The following PPIL3 variants were observed in gnomAD, a reference collection of about 807,000 sequenced individuals.
PPIL3 encodes peptidylprolyl isomerase like 3, also known as peptidyl-prolyl cis-trans isomerase-like 3.
In PPIL3, 13 loss-of-function variants were observed where a neutral mutation model predicts 20.9. That is an observed-to-expected ratio of 0.62 (90% CI 0.40 to 0.99). The LOEUF is 0.99. Among genes scored for constraint, PPIL3 ranks in the 50% least tolerant of loss-of-function variants. The probability of loss-of-function intolerance (pLI) is 0.00; values close to 1 mark genes in which losing one functional copy is unlikely to be tolerated. For synonymous variants in PPIL3, 71 were observed against 64.4 expected, an observed-to-expected ratio of 1.10 and a Z score of -0.49; for missense variants, 170 against 195.2, an observed-to-expected ratio of 0.87 and a Z score of 0.77.
At chr2:200,881,582 T>G in intron 4 of PPIL3, 94 bp from the exon 5 acceptor site, 2 of 977,410 alleles carry the variant, frequency 2.0e-6, no homozygotes, top group Non-Finnish European at 3.0e-6. Flanking sequence ...ATAGTTTGAC[T>G]GCTTAAATAT....
chr2:200,874,030 C>T (rs924966889), intron 6 of PPIL3, among the ~76,000 whole-genome samples: 2 of 150,742 alleles, frequency 1.3e-5, no homozygotes, highest in Non-Finnish European at 3.0e-5. Context: ...ATGGTGAAAC[C>T]CCGTCTCTAC....
intron 5 of PPIL3, 57 bp from the exon 6 acceptor site, chr2:200,877,094 G>T: frequency 8.8e-7 from 1 of 1,141,086 alleles, no homozygotes; most frequent in Non-Finnish European, 1.3e-6. Context: ...CCCAAATATA[G>T]TATTGAAACA....
At position 200,889,031 on chromosome 2, in the gene PPIL3, T is replaced by A; in HGVS notation, c.-146A>T. 2 of 471,220 alleles carry A rather than the reference T, an allele frequency of 4.2e-6. No homozygotes were observed. The highest frequency in any genetic ancestry group is 8.8e-6 in the Non-Finnish European group (2 of 227,076). The allele number at this position is 471,220 out of a possible 1,614,324, so 29.2% of individuals were successfully genotyped here. A position where few individuals can be genotyped will look rare whatever the true frequency, so the allele number is the denominator to read the frequency against. ...GCAATCGCAGATGCCAGCAGAGGTC[T>A]GTTGGTTCAAAATTATAGTTTCTTT... is the stretch of plus-strand genomic sequence containing the variant. On this transcript the variant is annotated 5_prime_UTR_variant, in exon 1 of 7. Coordinates refer to ENST00000392283, the MANE Select transcript of PPIL3 (RefSeq NM_130906.3).
At chr2:200,882,232 A>T in intron 4 of PPIL3, 110 bp downstream of exon 4, 2 of 761,556 alleles carry the variant, frequency 2.6e-6, no homozygotes, top group Non-Finnish European at 4.5e-6. Flanking sequence ...AGAACTTATT[A>T]AACAAAACAA....
rs1168645692 is a variant in PPIL3 at position 200,871,408 on chromosome 2, G to C, written c.473C>G (p.Pro158Arg). The part of the protein sequence containing the change: ...HIKDITIHAN[P>R]FAQ ...GGTCTATCATAGCTACTGAGCAAAT[G>C]GGTTGGCATGAATAGTTATGTCCTT... The change falls in exon 7 of 7, where the codon CCA (proline) becomes CGA (arginine). Residue 158 changes from proline to arginine, a missense_variant. By Grantham distance (103) the Pro-to-Arg change is moderately radical (BLOSUM62 -2). Coordinates refer to ENST00000392283, the MANE Select transcript of PPIL3 (RefSeq NM_130906.3). The C allele has an allele frequency of 6.2e-7, 1 of 1,611,024 alleles. No individual in the cohort carries two copies. Among genetic ancestry groups the C allele is most frequent in the Admixed American group, 1.7e-5 (1 of 59,602 alleles).
intron 3 of PPIL3, chr2:200,885,491 T>C: frequency 1.9e-6 from 1 of 516,098 alleles, no homozygotes; most frequent in Non-Finnish European, 3.4e-6. Flanking sequence ...ACTCTATCGT[T>C]ACCGAAAAAT....
chr2:200,874,136 G>C (rs908059478), intron 6 of PPIL3, among the ~76,000 whole-genome samples: 4 of 150,280 alleles, frequency 2.7e-5, no homozygotes, highest in South Asian at 4.2e-4. Context: ...ACCCAGGAGG[G>C]TGAGCTTGCA....
At chr2:200,873,987 C>T (rs1197208779) in intron 6 of PPIL3, among the ~76,000 whole-genome samples, 6 of 151,410 alleles carry the variant, frequency 4.0e-5, no homozygotes, top group African/African-American at 9.7e-5. Context: ...GGGCGGATCA[C>T]GAGGTCGGGA....
At chr2:200,874,695 T>TA (rs758723660) in intron 6 of PPIL3, among the ~76,000 whole-genome samples, 13 of 152,182 alleles carry the variant, frequency 8.5e-5, no homozygotes, top group African/African-American at 1.7e-4. Context: ...TTTACAAACA[T>TA]AAAAAAACTA....
intron 4 of PPIL3, 120 bp downstream of exon 4, chr2:200,882,222 A>G: frequency 2.8e-6 from 2 of 722,156 alleles, no homozygotes; most frequent in Non-Finnish European, 4.8e-6. Flanking sequence ...CTTGTAGAAC[A>G]GAACTTATTA....
At position 200,871,316 on chromosome 2, in the gene PPIL3, C is replaced by G. The variant is rs1010660750; in HGVS notation, c.*79G>C. The G allele has an allele frequency of 7.0e-7, 1 of 1,420,384 alleles. No homozygotes were observed. 88.0% of individuals were successfully genotyped at this position (1,420,384 alleles called of 1,614,324 possible). On this transcript the variant is annotated 3_prime_UTR_variant, in exon 7 of 7. Coordinates refer to ENST00000392283, the MANE Select transcript of PPIL3 (RefSeq NM_130906.3). ...AACAAGCAGAAGGATGATGCAATCT[C>G]TGACATAATTAAAACCGGGTAAACC...
intron 2 of PPIL3, chr2:200,886,803 T>G (rs1350485757): frequency 6.6e-6 from 1 of 152,176 alleles, no homozygotes; most frequent in Non-Finnish European, 1.5e-5. Flanking sequence ...TTTTTCTACT[T>G]CAGGTTCTAG....
At position 200,885,686 on chromosome 2, in the gene PPIL3, A is replaced by G. The variant is rs746147902; in HGVS notation, c.78+12T>C. On this transcript the variant is annotated intron_variant, in intron 3 of 6. Coordinates refer to ENST00000392283, the MANE Select transcript of PPIL3 (RefSeq NM_130906.3). ...ATTAACTGATGTTGAATATGTAAAT[A>G]ATAGTACTTACCTCACATGTTTTGG... The G allele has an allele frequency of 7.4e-6, 11 of 1,490,802 alleles. No homozygotes were observed. Among genetic ancestry groups the G allele is most frequent in the South Asian group, 6.9e-5 (6 of 87,106 alleles). The allele number at this position is 1,490,802 out of a possible 1,614,324, so 92.3% of individuals were successfully genotyped here.
chr2:200,885,647 G>T, intron 3 of PPIL3, 51 bp downstream of exon 3: 2 of 1,145,824 alleles, frequency 1.7e-6, no homozygotes, highest in Non-Finnish European at 2.6e-6. Context: ...ATTCCAAAGT[G>T]CTTATCTTGT....
chr2:200,886,187 C>G (rs2039932347), intron 2 of PPIL3, among the ~76,000 whole-genome samples: 1 of 152,076 alleles, frequency 6.6e-6, no homozygotes, highest in Admixed American at 6.5e-5. Context: ...TAATTTCCAC[C>G]ATTTTCCTTA....
intron 3 of PPIL3, among the ~76,000 whole-genome samples, chr2:200,883,765 T>C (rs1220204384): frequency 6.6e-6 from 1 of 152,058 alleles, no homozygotes; most frequent in Non-Finnish European, 1.5e-5. Context: ...GAATAATGGG[T>C]TTCTTGTTTC....
chr2:200,889,157 T>C (rs1271628900), upstream of PPIL3: 4 of 412,778 alleles, frequency 9.7e-6, no homozygotes, highest in Non-Finnish European at 2.0e-5. Flanking sequence ...AAAACGACAA[T>C]GCAATTTATC....
At chr2:200,874,926 ACTATGTTAC>A (rs2039457871) in intron 6 of PPIL3, among the ~76,000 whole-genome samples, 1 of 152,156 alleles carries the variant, frequency 6.6e-6, no homozygotes, top group African/African-American at 2.4e-5. Context: ...ACGGGGTTTC[ACTATGTTAC>A]CTAGACTGGG....
intron 1 of PPIL3, chr2:200,888,224 G>A (rs1009081746): frequency 6.6e-6 from 1 of 151,994 alleles, no homozygotes; most frequent in Non-Finnish European, 1.5e-5. Context: ...TTCCCTTAGG[G>A]TCCAGGCATT....
Sources: allele counts gnomAD v4.1 joint callset (sites outside exome capture counted in the v4.1 genomes callset), GRCh38; gene constraint gnomAD v4.1.1; transcripts MANE v1.5; gene names NCBI Gene and HGNC (gene_info 2026-07-23, HGNC 2026-07-21).